Variants in DNAH11 observed in about 807,000 individuals in gnomAD.
The protein encoded by DNAH11 is axonemal beta dynein heavy chain 11.
A neutral mutation model predicts 526.0 loss-of-function variants in DNAH11; 442 were observed. The ratio of observed to expected loss-of-function variants is 0.84; its 90% CI spans 0.78 to 0.91. The LOEUF is 0.91. Ranked by LOEUF, DNAH11 falls within the 40% of genes least tolerant of loss-of-function variation. DNAH11 has a pLI of 0.00. For missense variants in DNAH11, 6,989 were observed against 5,448.7 expected (o/e 1.28, Z -8.90); for synonymous variants, 2,461 against 1,935.9 (o/e 1.27, Z -7.12).
chr7:21,723,612 A>C (rs1421618878), intron 44 of DNAH11, among the ~76,000 whole-genome samples: 1 of 152,156 alleles, frequency 6.6e-6, no homozygotes, highest in African/African-American at 2.4e-5. Flanking sequence ...AGAGTTGAAA[A>C]CACTTGAATG....
chr7:21,839,771 A>G (rs1174091782), intron 65 of DNAH11, among the ~76,000 whole-genome samples: 1 of 152,184 alleles, frequency 6.6e-6, no homozygotes, highest in Non-Finnish European at 1.5e-5. Flanking sequence ...AAAGTGGCTT[A>G]TCTGGCAGAA....
intron 20 of DNAH11, among the ~76,000 whole-genome samples, chr7:21,614,176 G>A (rs112985926): frequency 6.6e-6 from 1 of 152,184 alleles, no homozygotes; most frequent in Non-Finnish European, 1.5e-5. Context: ...AAAGCATTAA[G>A]TATAGGTATT....
At chr7:21,581,835 G>A (rs72655986) in intron 8 of DNAH11, 70 bp from the exon 9 acceptor site, 39,552 of 944,136 alleles carry the variant, frequency 0.042, 987 homozygotes, top group South Asian at 0.055. Context: ...GTAAGGTCAC[G>A]CTTGTGTGAT....
chr7:21,644,753 C>T (rs1416877534), intron 28 of DNAH11, among the ~76,000 whole-genome samples: 2 of 152,196 alleles, frequency 1.3e-5, no homozygotes, highest in African/African-American at 2.4e-5. Flanking sequence ...AAGAGCAACT[C>T]TGCTTGGCAT....
chr7:21,667,221 T>G (rs933520977), intron 30 of DNAH11, among the ~76,000 whole-genome samples: 1 of 152,152 alleles, frequency 6.6e-6, no homozygotes, highest in Non-Finnish European at 1.5e-5. Flanking sequence ...TTGTCCCCAG[T>G]ACAAAGCCCT....
At chr7:21,565,360 C>T (rs745709060) in intron 6 of DNAH11, among the ~76,000 whole-genome samples, 23 of 152,134 alleles carry the variant, frequency 1.5e-4, no homozygotes, top group Non-Finnish European at 2.6e-4. Context: ...CAGATACAGT[C>T]ACATTGGGAG....
rs1409362325 is a variant in DNAH11 at position 21,623,270 on chromosome 7, A to G, written c.4500+3192A>G. Among the ~76,000 whole-genome samples, 7 of 151,952 alleles carry G rather than the reference A, an allele frequency of 4.6e-5. No homozygotes were observed. The East Asian group carries it at 1.2e-3, about 25-fold the overall frequency. On this transcript the variant is annotated intron_variant, in intron 25 of 81. Coordinates refer to ENST00000409508, the MANE Select transcript of DNAH11 (RefSeq NM_001277115.2). ...CAAATCAAAACCACAATGAGATACC[A>G]TCTCACACCAGTTAGAATGGCAATC...
At chr7:21,846,973 A>G (rs1193567777) in intron 66 of DNAH11, among the ~76,000 whole-genome samples, 2 of 152,162 alleles carry the variant, frequency 1.3e-5, no homozygotes, top group Non-Finnish European at 2.9e-5. Flanking sequence ...TCAAATTTGT[A>G]AGCATATAAT....
At chr7:21,884,723 T>C (rs986546008) in intron 76 of DNAH11, among the ~76,000 whole-genome samples, 68 of 152,344 alleles carry the variant, frequency 4.5e-4, no homozygotes, top group African/African-American at 1.6e-3. Flanking sequence ...GACGCTGTTA[T>C]TCCCTTTTCT....
chr7:21,779,080 C>T lies in DNAH11; in HGVS notation c.9459C>T (p.Thr3153=), dbSNP rs1308849371. 5.0e-6 allele frequency: 8 copies of T among 1,613,026 alleles called. No individual in the cohort carries two copies. The highest frequency in any genetic ancestry group is 8.5e-7 in the Non-Finnish European group (1 of 1,179,282). Residue 3153 remains threonine (T), a synonymous_variant, in exon 57 of 82, where the codon ACC becomes ACT. Coordinates refer to ENST00000409508, the MANE Select transcript of DNAH11 (RefSeq NM_001277115.2). ...CGGAGAAAGTGAGCCGGGAAAAGAC[C>T]ATCGCTGATGCTGAGGAGCGAAAGG... ...LQTEKVSREK[T]IADAEERKVT...
At chr7:21,854,246 C>G in intron 67 of DNAH11, 69 bp from the exon 68 acceptor site, 1 of 1,532,296 alleles carries the variant, frequency 6.5e-7, no homozygotes, top group Non-Finnish European at 8.8e-7. Flanking sequence ...TACGTCCTTC[C>G]ATTCCTTGGA....
chr7:21,884,553 G>A (rs1784051394), intron 76 of DNAH11, 143 bp downstream of exon 76: 1 of 920,702 alleles, frequency 1.1e-6, no homozygotes, highest in African/African-American at 1.7e-5. Context: ...TAGAAAAGCG[G>A]AATCTCGGGT....
intron 8 of DNAH11, among the ~76,000 whole-genome samples, chr7:21,577,307 A>G: frequency 6.6e-6 from 1 of 152,346 alleles, no homozygotes; most frequent in African/African-American, 2.4e-5. Flanking sequence ...CTTGCCAGGA[A>G]GAGCTGAGTG....
At chr7:21,790,397 C>G (rs1254680894) in intron 61 of DNAH11, among the ~76,000 whole-genome samples, 1 of 152,064 alleles carries the variant, frequency 6.6e-6, no homozygotes, top group East Asian at 1.9e-4. Flanking sequence ...TTGCAGTGAG[C>G]CAAGATCACA....
chr7:21,762,400 T>A (rs911186508), intron 54 of DNAH11, among the ~76,000 whole-genome samples: 1 of 152,228 alleles, frequency 6.6e-6, no homozygotes, highest in South Asian at 2.1e-4. Flanking sequence ...AAATAAAAGA[T>A]GCTTTTTTTC....
chr7:21,883,288 T>C (rs73279886), intron 75 of DNAH11, among the ~76,000 whole-genome samples: 3,994 of 152,352 alleles, frequency 0.026, 57 homozygotes, highest in Middle Eastern at 0.041. Flanking sequence ...TAAAGGTTCC[T>C]GTCTAGAAAG....
intron 41 of DNAH11, 44 bp downstream of exon 41, chr7:21,710,747 G>C (rs756349860): frequency 6.4e-7 from 1 of 1,558,364 alleles, no homozygotes; most frequent in Non-Finnish European, 8.7e-7. Flanking sequence ...AACATCCTGA[G>C]TGTATTAAGA....
At chr7:21,649,260 A>T (rs1303579549) in intron 28 of DNAH11, among the ~76,000 whole-genome samples, 1 of 152,236 alleles carries the variant, frequency 6.6e-6, no homozygotes, top group African/African-American at 2.4e-5. Context: ...AATATATCAT[A>T]CATTTTTATC....
At chr7:21,829,098 G>A (rs765255431) in intron 65 of DNAH11, among the ~76,000 whole-genome samples, 3 of 152,012 alleles carry the variant, frequency 2.0e-5, no homozygotes, top group Admixed American at 1.3e-4. Flanking sequence ...GATCTTTTCC[G>A]CTGCACTCTT....
Sources: allele counts gnomAD v4.1 joint callset (sites outside exome capture counted in the v4.1 genomes callset), GRCh38; gene constraint gnomAD v4.1.1; transcripts MANE v1.5; gene names NCBI Gene and HGNC (gene_info 2026-07-23, HGNC 2026-07-21).